DLG2: variants seen among roughly 807,000 people sequenced by gnomAD.
DLG2 encodes the protein disks large homolog 2.
Under a neutral mutation model 132.5 loss-of-function variants are expected in DLG2, and 45 were observed. The ratio of observed to expected loss-of-function variants is 0.34; its 90% CI spans 0.27 to 0.44. DLG2 has a LOEUF of 0.44. Ranked by LOEUF, DLG2 falls within the 20% of genes least tolerant of loss-of-function variation. The pLI is 1.00. For synonymous variants in DLG2, 424 were observed against 419.6 expected (o/e 1.01, Z -0.13); for missense variants, 1,045 against 1,196.9 (o/e 0.87, Z 1.87).
chr11:85,514,522 C>A (rs537276800), intron 3 of DLG2, among the ~76,000 whole-genome samples: 2 of 152,068 alleles, frequency 1.3e-5, no homozygotes, highest in South Asian at 2.1e-4. Context: ...AGGTACTTTA[C>A]AGATTCTTAC....
chr11:85,546,778 T>C (rs12795881), intron 3 of DLG2, among the ~76,000 whole-genome samples: 146,345 of 146,360 alleles, frequency 1, 73,165 homozygotes, highest in Middle Eastern at 1. Context: ...TCTTTGTTGG[T>C]TTAAAGTCTG....
At chr11:83,659,299 C>CAG (rs928196124) in intron 18 of DLG2, among the ~76,000 whole-genome samples, 1 of 151,498 alleles carries the variant, frequency 6.6e-6, no homozygotes, top group South Asian at 2.1e-4. Flanking sequence ...GTTAATAAAA[C>CAG]AGAGAGAGAG....
chr11:85,282,180 AGTTGAATGATGG>A (rs1204577923), intron 4 of DLG2, among the ~76,000 whole-genome samples: 1 of 152,032 alleles, frequency 6.6e-6, no homozygotes, highest in African/African-American at 2.4e-5. Context: ...GCAGATGGAA[AGTTGAATGATGG>A]GTACAAGGGT....
chr11:85,430,290 C>CAT (rs1400042656), intron 3 of DLG2, among the ~76,000 whole-genome samples: 1 of 151,266 alleles, frequency 6.6e-6, no homozygotes, highest in Non-Finnish European at 1.5e-5. Context: ...CAACATGGCA[C>CAT]ATATATACAT....
At chr11:85,595,049 AG>A (rs1464272404) in intron 3 of DLG2, among the ~76,000 whole-genome samples, 1 of 139,724 alleles carries the variant, frequency 7.2e-6, no homozygotes, top group African/African-American at 2.7e-5. Flanking sequence ...TGGGCAACAG[AG>A]TGAGACTCTG....
intron 7 of DLG2, among the ~76,000 whole-genome samples, chr11:84,376,543 A>G (rs2098729674): frequency 6.6e-6 from 1 of 151,960 alleles, no homozygotes; most frequent in Non-Finnish European, 1.5e-5. Flanking sequence ...AGGTACTTAT[A>G]TTCTAGAAAA....
At chr11:83,597,760 G>T (rs1313623612) in intron 19 of DLG2, among the ~76,000 whole-genome samples, 1 of 151,686 alleles carries the variant, frequency 6.6e-6, no homozygotes, top group African/African-American at 2.4e-5. Context: ...ACTCCCACCT[G>T]GAAGACAGAG....
chr11:84,055,988 T>G (rs997696878), intron 11 of DLG2, among the ~76,000 whole-genome samples: 1 of 152,146 alleles, frequency 6.6e-6, no homozygotes, highest in Admixed American at 6.6e-5. Context: ...GTTAGCTCAG[T>G]TGGCTACATT....
chr11:83,977,863 C>T (rs2092413554), intron 12 of DLG2, among the ~76,000 whole-genome samples: 1 of 152,086 alleles, frequency 6.6e-6, no homozygotes, highest in Non-Finnish European at 1.5e-5. Flanking sequence ...TACTTCATCT[C>T]TTTCACCTAG....
At chr11:85,046,649 C>T (rs549549013) in intron 6 of DLG2, among the ~76,000 whole-genome samples, 11 of 151,908 alleles carry the variant, frequency 7.2e-5, no homozygotes, top group Non-Finnish European at 1.5e-4. Context: ...TTAGCAAAGC[C>T]TGTTACCTTC....
chr11:84,738,294 T>C (rs1205819292), intron 6 of DLG2, among the ~76,000 whole-genome samples: 2 of 152,086 alleles, frequency 1.3e-5, no homozygotes, highest in African/African-American at 4.8e-5. Flanking sequence ...CTGTTGATTC[T>C]GCTTAACGAT....
chr11:84,367,077 C>T (rs1042949398), intron 7 of DLG2, among the ~76,000 whole-genome samples: 129 of 152,212 alleles, frequency 8.5e-4, no homozygotes, highest in Non-Finnish European at 1.5e-3. Flanking sequence ...AAGCTCTCCT[C>T]AGCAAATGTA....
intron 18 of DLG2, among the ~76,000 whole-genome samples, chr11:83,663,018 T>G (rs1452846771): frequency 6.6e-6 from 1 of 152,212 alleles, no homozygotes; most frequent in African/African-American, 2.4e-5. Context: ...CCTCCATTCC[T>G]AACTAGCAGT....
chr11:83,801,016 G>A (rs1255562661), intron 17 of DLG2, among the ~76,000 whole-genome samples: 5 of 152,058 alleles, frequency 3.3e-5, no homozygotes, highest in Non-Finnish European at 7.4e-5. Context: ...CAAACTCATC[G>A]TGCTCAAAAT....
At chr11:83,770,265 G>GTTTTTT (rs71066064) in intron 18 of DLG2, among the ~76,000 whole-genome samples, 1 of 128,772 alleles carries the variant, frequency 7.8e-6, no homozygotes, top group African/African-American at 3.3e-5. Context: ...GTTTTTTTTT[G>GTTTTTT]TTTTTTTGCT....
intron 8 of DLG2, chr11:84,167,002 C>A (rs567236839): frequency 1.4e-4 from 77 of 533,278 alleles, no homozygotes; most frequent in South Asian, 1.0e-3. Flanking sequence ...CGGAGAGCTT[C>A]ACAGTTGGGG....
At chr11:83,812,905 T>TA (rs886390181) in intron 17 of DLG2, among the ~76,000 whole-genome samples, 34 of 152,280 alleles carry the variant, frequency 2.2e-4, no homozygotes, top group Admixed American at 1.5e-3. Flanking sequence ...CCATTCCTCT[T>TA]AGAGTTGAAG....
chr11:84,036,995 A>G (rs1025501192), intron 11 of DLG2, among the ~76,000 whole-genome samples: 3 of 152,154 alleles, frequency 2.0e-5, no homozygotes, highest in Non-Finnish European at 2.9e-5. Context: ...ATCATTATCA[A>G]TCTTGCTGGG....
In DLG2 at chr11:84,819,719, G is replaced by A. The variant is rs192909523; in HGVS notation, c.358-284988C>T. 3.3e-5 allele frequency among the ~76,000 whole-genome samples: 5 copies of A among 152,036 alleles called. No homozygotes were observed. In the East Asian group the frequency reaches 9.7e-4, roughly 30 times the overall value. On this transcript the variant is annotated intron_variant, in intron 6 of 27. Transcript: ENST00000376104. ...GCTGAGTTACCGCCTCACTGGGGAT[G>A]TTAGAAACACTGACAGCACATGCCC... is the stretch of plus-strand genomic sequence containing the variant.
Sources: allele counts gnomAD v4.1 joint callset (sites outside exome capture counted in the v4.1 genomes callset), GRCh38; gene constraint gnomAD v4.1.1; transcripts MANE v1.5; gene names NCBI Gene and HGNC (gene_info 2026-07-23, HGNC 2026-07-21).